Variants in TSPAN15 observed in about 807,000 individuals in gnomAD.
TSPAN15 encodes tetraspanin 15.
TSPAN15 carries 20 observed loss-of-function variants against 34.5 expected under a neutral mutation model. That is an observed-to-expected ratio of 0.58 (90% CI 0.41 to 0.84). TSPAN15 has a LOEUF of 0.84. Among genes scored for constraint, TSPAN15 ranks in the 40% least tolerant of loss-of-function variants. The pLI, the probability that TSPAN15 is intolerant of heterozygous loss-of-function variation, is 0.00. For missense variants in TSPAN15, 313 were observed against 386.1 expected, an observed-to-expected ratio of 0.81 and a Z score of 1.59; for synonymous variants, 155 against 153.9, an observed-to-expected ratio of 1.01 and a Z score of -0.05.
At chr10:69,520,266 A>G in the TSPAN15 span, among the ~76,000 whole-genome samples, 2 of 152,178 alleles carry the variant, frequency 1.3e-5, no homozygotes, top group African/African-American at 2.4e-5. Context: ...GAATCACACA[A>G]TATTTGTCCT....
At chr10:69,533,482 A>G in the TSPAN15 span, among the ~76,000 whole-genome samples, 2 of 152,158 alleles carry the variant, frequency 1.3e-5, no homozygotes, top group Non-Finnish European at 2.9e-5. Context: ...ACAAAGGCAT[A>G]AGAATGATAC....
At chr10:69,507,765 T>TG, downstream of TSPAN15, 1 of 767,570 alleles carries the variant, frequency 1.3e-6, no homozygotes, top group Non-Finnish European at 1.7e-6. Flanking sequence ...ATGAAGGGGG[T>TG]GCATGGGGTG....
chr10:69,521,893 GTA>G, the TSPAN15 span, among the ~76,000 whole-genome samples: 1 of 147,454 alleles, frequency 6.8e-6, no homozygotes, highest in East Asian at 2.5e-4. Context: ...CTCCTTTATT[GTA>G]TATCTCTCTA....
At chr10:69,502,190 A>T (rs1842224864) in intron 5 of TSPAN15, among the ~76,000 whole-genome samples, 1 of 152,224 alleles carries the variant, frequency 6.6e-6, no homozygotes, top group South Asian at 2.1e-4. Context: ...CAGCTTTAAA[A>T]GAAATGTCTT....
At chr10:69,479,927 G>A (rs1468524448) in intron 1 of TSPAN15, among the ~76,000 whole-genome samples, 1 of 152,178 alleles carries the variant, frequency 6.6e-6, no homozygotes, top group Non-Finnish European at 1.5e-5. Flanking sequence ...TTGCTTGAGG[G>A]AGTTCTTGGT....
chr10:69,544,761 T>C, the TSPAN15 span, among the ~76,000 whole-genome samples: 94 of 152,162 alleles, frequency 6.2e-4, no homozygotes, highest in African/African-American at 2.1e-3. Flanking sequence ...AGGTGGAAGA[T>C]AATGGCAGTT....
intron 1 of TSPAN15, among the ~76,000 whole-genome samples, chr10:69,459,923 C>CT (rs1290860005): frequency 8.9e-6 from 1 of 112,670 alleles, no homozygotes; most frequent in African/African-American, 2.8e-5. Flanking sequence ...TCTAGGCACC[C>CT]CCCCCCCACG....
chr10:69,489,622 C>T (rs1157535094), intron 3 of TSPAN15, among the ~76,000 whole-genome samples: 1 of 152,226 alleles, frequency 6.6e-6, no homozygotes, highest in East Asian at 1.9e-4. Context: ...CAGCGAGGTG[C>T]ACAGACCACG....
chr10:69,549,420 A>G, the TSPAN15 span, among the ~76,000 whole-genome samples: 1 of 152,184 alleles, frequency 6.6e-6, no homozygotes, highest in African/African-American at 2.4e-5. Flanking sequence ...GGCAGGGATA[A>G]TGGTGTGGGG....
intron 1 of TSPAN15, among the ~76,000 whole-genome samples, chr10:69,463,887 T>C (rs1009356173): frequency 1.5e-4 from 23 of 151,134 alleles, no homozygotes; most frequent in African/African-American, 5.6e-4. Flanking sequence ...GGAAAAAGGG[T>C]TTTTGCAGAT....
intron 2 of TSPAN15, 61 bp downstream of exon 2, chr10:69,483,937 T>C: frequency 6.5e-7 from 1 of 1,550,308 alleles, no homozygotes; most frequent in Non-Finnish European, 8.8e-7. Context: ...CGCCTGCCCC[T>C]GTGCCCTTGG....
At position 69,498,825 on chromosome 10, in the gene TSPAN15, T is replaced by C. The variant is rs565593742; in HGVS notation, c.570+429T>C. On this transcript the variant is annotated intron_variant, in intron 5 of 7. Transcript: ENST00000373290. Reference sequence around the variant, plus strand: ...AAGTGCAGGCAGCTGTTGCCTGAGCTACACTCTGGAGAACTGTGCAGGCCA... The same window carrying C: ...AAGTGCAGGCAGCTGTTGCCTGAGCCACACTCTGGAGAACTGTGCAGGCCA... 4.6e-5 allele frequency among the ~76,000 whole-genome samples: 7 copies of C among 152,286 alleles called. No individual in the cohort carries two copies. The South Asian group carries it at 1.0e-3, about 23-fold the overall frequency.
At chr10:69,500,793 A>G (rs1387160210) in intron 5 of TSPAN15, among the ~76,000 whole-genome samples, 1 of 152,112 alleles carries the variant, frequency 6.6e-6, no homozygotes, top group Non-Finnish European at 1.5e-5. Context: ...TGTCTGGCCA[A>G]ATATCTGGGT....
At chr10:69,530,779 ACTCTCTCTCTCT>A in the TSPAN15 span, among the ~76,000 whole-genome samples, 72 of 49,998 alleles carry the variant, frequency 1.4e-3, 3 homozygotes, top group Non-Finnish European at 1.5e-3. Context: ...ACAGAGTGAG[ACTCTCTCTCTCT>A]CTCTCTCTCT....
At chr10:69,485,074 G>C (rs1476472936) in intron 2 of TSPAN15, 67 bp from the exon 3 acceptor site, 2 of 1,458,560 alleles carry the variant, frequency 1.4e-6, no homozygotes, top group African/African-American at 1.4e-5. Context: ...AGCAGATGGT[G>C]CCTCCCCTGT....
At chr10:69,543,186 C>T in the TSPAN15 span, among the ~76,000 whole-genome samples, 1 of 152,148 alleles carries the variant, frequency 6.6e-6, no homozygotes, top group Non-Finnish European at 1.5e-5. Context: ...GTCTGTGGTT[C>T]AAGCTAAGTA....
downstream of TSPAN15, among the ~76,000 whole-genome samples, chr10:69,509,151 G>A (rs1842389963): frequency 6.6e-6 from 1 of 152,120 alleles, no homozygotes; most frequent in Non-Finnish European, 1.5e-5. Context: ...GGTCTGAATC[G>A]CTTATCCAAG....
intron 1 of TSPAN15, among the ~76,000 whole-genome samples, chr10:69,459,968 A>T (rs1841211137): frequency 1.3e-5 from 2 of 150,176 alleles, no homozygotes; most frequent in East Asian, 2.0e-4. Flanking sequence ...CTGCCCACGG[A>T]GGGAGGGAGA....
At chr10:69,538,955 C>G in the TSPAN15 span, among the ~76,000 whole-genome samples, 2 of 149,184 alleles carry the variant, frequency 1.3e-5, no homozygotes, top group African/African-American at 4.9e-5. Flanking sequence ...AAAGAAGGGA[C>G]AGAGAGATTC....
Sources: allele counts gnomAD v4.1 joint callset (sites outside exome capture counted in the v4.1 genomes callset), GRCh38; gene constraint gnomAD v4.1.1; transcripts MANE v1.5; gene names NCBI Gene and HGNC (gene_info 2026-07-23, HGNC 2026-07-21).